ZFYVE28: variants seen among roughly 807,000 people sequenced by gnomAD.
The protein encoded by ZFYVE28 is zinc finger FYVE-type containing 28, also known as lateral signaling target protein 2 homolog.
ZFYVE28 carries 40 observed loss-of-function variants against 82.1 expected under a neutral mutation model. The ratio of observed to expected loss-of-function variants is 0.49; its 90% CI spans 0.38 to 0.63. The LOEUF (loss-of-function observed/expected upper bound fraction) is 0.63, where lower values mean the gene tolerates loss of function less well. Among genes scored for constraint, ZFYVE28 ranks in the 30% least tolerant of loss-of-function variants. ZFYVE28 has a pLI of 0.00. For synonymous variants in ZFYVE28, 612 were observed against 546.1 expected (o/e 1.12, Z -1.68); for missense variants, 1,321 against 1,242.1 (o/e 1.06, Z -0.96).
At position 2,362,230 on chromosome 4, in the gene ZFYVE28, T is replaced by G. The variant is rs116322320; in HGVS notation, c.40-8157A>C. On this transcript the variant is annotated intron_variant, in intron 1 of 12. Coordinates refer to ENST00000290974, the MANE Select transcript of ZFYVE28 (RefSeq NM_020972.3). The surrounding 1 kb of genome is among the most constrained non-coding windows in gnomAD (Gnocchi z 5.1). ...GGACAGAGGCTGGAGCATGCAGGGG[T>G]GAGGACCAGGTGTCTGAGGCACCGC... Among the ~76,000 whole-genome samples the G allele has an allele frequency of 0.012, 1,856 of 151,990 alleles. 35 individuals carry two copies. Among genetic ancestry groups the G allele is most frequent in the African/African-American group, 0.042 (1,745 of 41,426 alleles).
chr4:2,354,704 G>A (rs981279020), intron 1 of ZFYVE28, among the ~76,000 whole-genome samples: 5 of 151,874 alleles, frequency 3.3e-5, no homozygotes, highest in African/African-American at 7.3e-5. Flanking sequence ...GGTGATCCAC[G>A]CGCCTCAGCC....
chr4:2,292,721 G>C (rs1713922400), intron 8 of ZFYVE28, among the ~76,000 whole-genome samples: 1 of 152,136 alleles, frequency 6.6e-6, no homozygotes, highest in Non-Finnish European at 1.5e-5. Flanking sequence ...GGTGAAGTCT[G>C]TCTCACATTT....
chr4:2,397,469 C>G (rs1391364921), intron 1 of ZFYVE28, among the ~76,000 whole-genome samples: 1 of 106,834 alleles, frequency 9.4e-6, no homozygotes, highest in East Asian at 2.9e-4. Flanking sequence ...CAGACTCGGT[C>G]TCAAAAAAAA....
chr4:2,327,287 TATATATATATATATATATATATCG>T (rs1720012667), intron 6 of ZFYVE28, among the ~76,000 whole-genome samples: 3 of 34,672 alleles, frequency 8.7e-5, no homozygotes, highest in African/African-American at 2.4e-4. Context: ...TATATATATA[TATATATATATATATATATATATCG>T]AATAAAGTTG....
In ZFYVE28 at chr4:2,337,637, G is replaced by A. The variant is rs375728630; in HGVS notation, c.522-141C>T. The A allele has an allele frequency of 6.5e-6, 4 of 616,274 alleles. No individual in the cohort carries two copies. The African/African-American group carries it at 7.4e-5, about 11-fold the overall frequency. The allele number at this position is 616,274 out of a possible 1,614,324, so 38.2% of individuals were successfully genotyped here. ...GGCCTCACGCCTGTAATCCCAGCAC[G>A]TTGGGAGTCTGAGGTGGGAGGATGG... On this transcript the variant is annotated intron_variant, in intron 4 of 12. Coordinates refer to ENST00000290974, the MANE Select transcript of ZFYVE28 (RefSeq NM_020972.3).
chr4:2,383,835 T>A (rs150253525), intron 1 of ZFYVE28, among the ~76,000 whole-genome samples: 2 of 152,306 alleles, frequency 1.3e-5, no homozygotes, highest in Non-Finnish European at 2.9e-5. Context: ...TTTCTCTGTG[T>A]GTGGTGTCGC....
chr4:2,382,234 G>C (rs1025172001), intron 1 of ZFYVE28, among the ~76,000 whole-genome samples: 21 of 152,364 alleles, frequency 1.4e-4, no homozygotes, highest in African/African-American at 4.6e-4. Flanking sequence ...CCCCCACACA[G>C]AGTCCCTACT....
At chr4:2,278,233 T>TTTG (rs1736656495) in intron 8 of ZFYVE28, among the ~76,000 whole-genome samples, 1 of 151,520 alleles carries the variant, frequency 6.6e-6, no homozygotes, top group Non-Finnish European at 1.5e-5. Flanking sequence ...TTTTTTTTTT[T>TTTG]TTTTTGAGAT....
At chr4:2,319,911 G>C (rs1209591823) in intron 7 of ZFYVE28, among the ~76,000 whole-genome samples, 1 of 152,140 alleles carries the variant, frequency 6.6e-6, no homozygotes, top group African/African-American at 2.4e-5. Context: ...GCTGTACCAT[G>C]TCAGGAAGTG....
rs1577936652 is a variant in ZFYVE28, at chr4:2,293,709, C to T, written c.2051+10580G>A. Among the ~76,000 whole-genome samples, 5 of 141,116 alleles carry T rather than the reference C, an allele frequency of 3.5e-5. 1 individual carries two copies. Among genetic ancestry groups the T allele is most frequent in the African/African-American group, 1.0e-4 (4 of 38,652 alleles). 92.6% of individuals were successfully genotyped at this position (141,116 alleles called of 152,430 possible). ...CAGAGCTTGCAGTGAGCCGAGATCA[C>T]ACCACTGCACTCCAGCCTGGGTGAC... On this transcript the variant is annotated intron_variant, in intron 8 of 12. Transcript: ENST00000290974.
chr4:2,295,319 G>A (rs1273096647), intron 8 of ZFYVE28, among the ~76,000 whole-genome samples: 1 of 150,038 alleles, frequency 6.7e-6, no homozygotes, highest in Non-Finnish European at 1.5e-5. Flanking sequence ...CTGCCATAAT[G>A]CCCAGCTAAA....
chr4:2,356,480 A>C (rs1292234324), intron 1 of ZFYVE28, among the ~76,000 whole-genome samples: 2 of 141,190 alleles, frequency 1.4e-5, no homozygotes, highest in African/African-American at 5.2e-5. Flanking sequence ...GTGTGCTCAC[A>C]GATGCCAGAG....
At position 2,304,707 on chromosome 4, in the gene ZFYVE28, T is replaced by A. The variant is rs780478868; in HGVS notation, c.1633A>T (p.Met545Leu). The A allele has an allele frequency of 3.7e-6, 6 of 1,612,432 alleles. No homozygotes were observed. The Admixed American group carries it at 6.7e-5, about 18-fold the overall frequency. Residue 545 changes from methionine to leucine, a missense_variant, in exon 8 of 13, where the codon ATG (methionine) becomes TTG (leucine). Met to Leu is a conservative substitution (Grantham distance 15). Coordinates refer to ENST00000290974, the MANE Select transcript of ZFYVE28 (RefSeq NM_020972.3). ...CTAAGCTTGTGGGGGCCGCCATCCATCCCCTCGGCCACGGGCTCCGAGGCG... is the reference window on the plus strand; with the variant it reads ...CTAAGCTTGTGGGGGCCGCCATCCAACCCCTCGGCCACGGGCTCCGAGGCG... ...EAASEPVAEG[M>L]DGGPHKLSTG...
intron 2 of ZFYVE28, among the ~76,000 whole-genome samples, chr4:2,351,827 G>A (rs1263497864): frequency 6.6e-6 from 1 of 152,192 alleles, no homozygotes; most frequent in Non-Finnish European, 1.5e-5. Context: ...GCCCCCTTCT[G>A]GGGTTGGATT....
intron 6 of ZFYVE28, chr4:2,328,787 C>T: frequency 4.1e-6 from 1 of 245,084 alleles, no homozygotes; most frequent in Non-Finnish European, 7.7e-6. Flanking sequence ...TTAACCATCG[C>T]AGGGTCCAAC....
chr4:2,398,339 C>T (rs991217013), intron 1 of ZFYVE28, among the ~76,000 whole-genome samples: 1 of 152,180 alleles, frequency 6.6e-6, no homozygotes, highest in African/African-American at 2.4e-5. Flanking sequence ...TGAGGGCACC[C>T]AGACAGCTTC....
At chr4:2,376,357 T>A (rs1417665746) in intron 1 of ZFYVE28, among the ~76,000 whole-genome samples, 2 of 111,584 alleles carry the variant, frequency 1.8e-5, no homozygotes, top group East Asian at 5.2e-4. Context: ...GGCAACATAG[T>A]GAGACCCTAT....
chr4:2,284,344 C>A (rs1712408243), intron 8 of ZFYVE28, among the ~76,000 whole-genome samples: 1 of 152,206 alleles, frequency 6.6e-6, no homozygotes, highest in South Asian at 2.1e-4. Context: ...ACCTCAGCCT[C>A]CCAAAGTACT....
At chr4:2,309,587 G>C (rs551463134) in intron 7 of ZFYVE28, among the ~76,000 whole-genome samples, 2 of 84,004 alleles carry the variant, frequency 2.4e-5, no homozygotes, top group Non-Finnish European at 5.0e-5. Flanking sequence ...TAAAATGGCA[G>C]TTTTAGTCCT....
Sources: allele counts gnomAD v4.1 joint callset (sites outside exome capture counted in the v4.1 genomes callset), GRCh38; gene constraint gnomAD v4.1.1; non-coding constraint Gnocchi (gnomAD v3.1); transcripts MANE v1.5; gene names NCBI Gene and HGNC (gene_info 2026-07-23, HGNC 2026-07-21).